CIT: variants seen among roughly 807,000 people sequenced by gnomAD.
CIT encodes citron Rho-interacting kinase.
A neutral mutation model predicts 272.7 loss-of-function variants in CIT; 79 were observed. That is an observed-to-expected ratio of 0.29 (90% CI 0.24 to 0.35). The LOEUF is 0.35. Among genes scored for constraint, CIT ranks in the 10% least tolerant of loss-of-function variants. The probability of loss-of-function intolerance (pLI) is 1.00; values close to 1 mark genes in which losing one functional copy is unlikely to be tolerated. For synonymous variants in CIT, 948 were observed against 995.6 expected (o/e 0.95, Z 0.90); for missense variants, 1,909 against 2,618.3 (o/e 0.73, Z 5.91).
At chr12:119,809,613 G>A (rs1404544499) in intron 9 of CIT, among the ~76,000 whole-genome samples, 1 of 152,138 alleles carries the variant, frequency 6.6e-6, no homozygotes, top group Non-Finnish European at 1.5e-5. Flanking sequence ...GCTCAAGGCA[G>A]GACTCTAATC....
chr12:119,787,310 A>T (rs1964874474), intron 10 of CIT, among the ~76,000 whole-genome samples: 1 of 152,052 alleles, frequency 6.6e-6, no homozygotes, highest in African/African-American at 2.4e-5. Flanking sequence ...TCATGCCTCT[A>T]GTCCCAGCTA....
Position 119,869,101 on chromosome 12 carries a change from G to C in CIT, c.197C>G (p.Ala66Gly). The change falls in exon 3 of 48, where the codon GCT becomes GGT. Residue 66 changes from alanine to glycine, a missense_variant. By Grantham distance (60) the Ala-to-Gly change is moderately conservative. Coordinates refer to ENST00000392521, the MANE Select transcript of CIT (RefSeq NM_001206999.2). ...GCTCACGTGCTTAATCTTCATCAGAGCAGGCTGACTGCATTCTTCAAAGAG... is the reference window on the plus strand; with the variant it reads ...GCTCACGTGCTTAATCTTCATCAGACCAGGCTGACTGCATTCTTCAAAGAG... ...FVLFEECSQP[A>G]LMKIKHVSNF... 1 of 1,612,358 alleles carries C rather than the reference G, an allele frequency of 6.2e-7. No individual in the cohort carries two copies. Among genetic ancestry groups the C allele is most frequent in the Non-Finnish European group, 8.5e-7 (1 of 1,179,516 alleles).
intron 19 of CIT, among the ~76,000 whole-genome samples, chr12:119,766,690 T>C (rs539425299): frequency 7.9e-5 from 12 of 152,270 alleles, no homozygotes; most frequent in African/African-American, 2.4e-4. Context: ...CCATTCTCTA[T>C]GATGTGCTTA....
At chr12:119,772,188 A>AGGCAGATAC (rs1293593062) in intron 17 of CIT, among the ~76,000 whole-genome samples, 1 of 152,194 alleles carries the variant, frequency 6.6e-6, no homozygotes, top group Non-Finnish European at 1.5e-5. Flanking sequence ...GGGGCAGAGG[A>AGGCAGATAC]GGCAGATACG....
chr12:119,865,864 CAAAAAA>C (rs11366591), intron 3 of CIT, among the ~76,000 whole-genome samples: 1 of 91,420 alleles, frequency 1.1e-5, no homozygotes, highest in African/African-American at 4.3e-5. Context: ...AGCAAGACTC[CAAAAAA>C]AAAAAAAAAA....
intron 2 of CIT, among the ~76,000 whole-genome samples, chr12:119,875,780 G>A (rs572100488): frequency 2.8e-4 from 43 of 152,186 alleles, no homozygotes; most frequent in African/African-American, 9.6e-4. Flanking sequence ...TCAGGAGTTC[G>A]ACCCTAGCCT....
chr12:119,775,694 T>C (rs962048387), intron 16 of CIT, 92 bp downstream of exon 16: 17 of 979,848 alleles, frequency 1.7e-5, no homozygotes, highest in South Asian at 2.8e-5. Context: ...ACTAATTCTG[T>C]TTCTTTCATC....
intron 17 of CIT, among the ~76,000 whole-genome samples, 155 bp downstream of exon 17, chr12:119,772,615 G>T (rs1034517148): frequency 1.6e-4 from 24 of 152,362 alleles, no homozygotes; most frequent in African/African-American, 5.5e-4. Context: ...TCCCCTGGGG[G>T]GAAATGATTC....
chr12:119,847,603 T>A (rs947113243), intron 5 of CIT, among the ~76,000 whole-genome samples: 2 of 135,802 alleles, frequency 1.5e-5, no homozygotes, highest in African/African-American at 5.6e-5. Flanking sequence ...AGAAAAAAAA[T>A]GAAAAGAAAA....
intron 9 of CIT, among the ~76,000 whole-genome samples, chr12:119,814,478 A>G (rs1209343975): frequency 6.6e-6 from 1 of 152,084 alleles, no homozygotes. Context: ...CTACTTTACC[A>G]TCCCATCCCT....
chr12:119,743,133 C>A (rs1398005741), intron 23 of CIT, among the ~76,000 whole-genome samples: 1 of 151,934 alleles, frequency 6.6e-6, no homozygotes, highest in Non-Finnish European at 1.5e-5. Flanking sequence ...GCATCCATGA[C>A]CCATGCCTTC....
At chr12:119,745,374 CAAAAA>C (rs757825062) in intron 23 of CIT, among the ~76,000 whole-genome samples, 10 of 7,012 alleles carry the variant, frequency 1.4e-3, no homozygotes, top group South Asian at 0.024. Flanking sequence ...AAGAAACAAG[CAAAAA>C]AAAAAAAAAA....
In CIT at chr12:119,760,231, T is replaced by C. The variant is rs546855533; in HGVS notation, c.2421+708A>G. Among the ~76,000 whole-genome samples the C allele has an allele frequency of 8.2e-4, 123 of 150,820 alleles. 1 individual carries two copies. The highest frequency in any genetic ancestry group is 2.8e-3 in the African/African-American group (114 of 41,042). ...AGAGAGATTCTGATATGGTAAGTCT[T>C]GGTGGAGTGCAGATAAATAAGCACC... On this transcript the variant is annotated intron_variant, in intron 20 of 47. Transcript: ENST00000392521.
chr12:119,721,502 G>C, intron 28 of CIT, 53 bp from the exon 29 acceptor site: 5 of 1,497,322 alleles, frequency 3.3e-6, no homozygotes, highest in Non-Finnish European at 4.5e-6. Context: ...AATACAATTT[G>C]TTCCCCTGCT....
At chr12:119,867,710 C>G (rs1447947870) in intron 3 of CIT, among the ~76,000 whole-genome samples, 1 of 152,040 alleles carries the variant, frequency 6.6e-6, no homozygotes, top group African/African-American at 2.4e-5. Context: ...ACCACCACCC[C>G]CAACTAGCTC....
chr12:119,822,759 G>T, intron 9 of CIT, 61 bp downstream of exon 9: 4 of 1,557,910 alleles, frequency 2.6e-6, no homozygotes, highest in South Asian at 1.1e-5. Context: ...AACAATCTCA[G>T]ATCTCTCTTG....
At chr12:119,865,472 A>G (rs1050175599) in intron 3 of CIT, among the ~76,000 whole-genome samples, 2 of 152,262 alleles carry the variant, frequency 1.3e-5, no homozygotes, top group Non-Finnish European at 2.9e-5. Context: ...TGACATTCAC[A>G]GTTATTAATA....
chr12:119,813,055 G>A (rs1362668789), intron 9 of CIT, among the ~76,000 whole-genome samples: 2 of 152,134 alleles, frequency 1.3e-5, no homozygotes, highest in African/African-American at 4.8e-5. Context: ...GCCCCCCTCC[G>A]ACCCCGTTCA....
intron 32 of CIT, among the ~76,000 whole-genome samples, chr12:119,717,848 T>C (rs1957608191): frequency 7.9e-6 from 1 of 127,302 alleles, no homozygotes; most frequent in African/African-American, 2.9e-5. Flanking sequence ...CTTTTTTTTT[T>C]TTTTTTTTTT....
Sources: gnomAD v4.1 joint callset for allele counts (sites outside exome capture counted in the v4.1 genomes callset) on GRCh38, gnomAD v4.1.1 for gene constraint, MANE v1.5 for transcripts, NCBI Gene and HGNC (gene_info 2026-07-23, HGNC 2026-07-21) for gene names.